Variants in ART3 observed in about 807,000 individuals in gnomAD.
The protein encoded by ART3 is ADP-ribosyltransferase 3 (inactive), also known as ecto-ADP-ribosyltransferase 3.
Under a neutral mutation model 48.5 loss-of-function variants are expected in ART3, and 49 were observed. The observed-to-expected ratio is 1.01, with a 90% CI of 0.80 to 1.28. The LOEUF (loss-of-function observed/expected upper bound fraction) is 1.28, where lower values mean the gene tolerates loss of function less well. Among genes scored for constraint, ART3 ranks in the 50% most tolerant of loss-of-function variants. The pLI, the probability that ART3 is intolerant of heterozygous loss-of-function variation, is 0.00. For synonymous variants in ART3, 145 were observed against 157.2 expected, an observed-to-expected ratio of 0.92 and a Z score of 0.58; for missense variants, 438 against 454.3, an observed-to-expected ratio of 0.96 and a Z score of 0.33.
intron 3 of ART3, among the ~76,000 whole-genome samples, chr4:76,088,883 C>T (rs904211631): frequency 6.6e-6 from 1 of 152,024 alleles, no homozygotes. Context: ...TGAGGTGGAA[C>T]TCAGTTTCAA....
chr4:76,108,122 C>A (rs1728821638), intron 11 of ART3, among the ~76,000 whole-genome samples: 1 of 150,830 alleles, frequency 6.6e-6, no homozygotes, highest in African/African-American at 2.4e-5. Context: ...GTTCTCAACC[C>A]AATTCTCCCT....
chr4:76,063,093 C>T (rs1200202917), intron 1 of ART3, among the ~76,000 whole-genome samples: 4 of 152,064 alleles, frequency 2.6e-5, no homozygotes, highest in Non-Finnish European at 4.4e-5. Flanking sequence ...CTTCTTCATT[C>T]TTTATCTCTT....
At chr4:76,051,051 C>T (rs910031046) in intron 1 of ART3, among the ~76,000 whole-genome samples, 1 of 152,268 alleles carries the variant, frequency 6.6e-6, no homozygotes, top group African/African-American at 2.4e-5. Context: ...CCACACCTCC[C>T]TGCAAGCTGA....
rs943800124 is a variant in ART3, at chr4:76,101,064, A to G, written c.937+45A>G. The G allele has an allele frequency of 3.1e-6, 5 of 1,606,546 alleles. No homozygotes were observed. In the South Asian group the frequency reaches 3.3e-5, roughly 11 times the overall value. On this transcript the variant is annotated intron_variant, in intron 8 of 11. Coordinates refer to ENST00000355810, the MANE Select transcript of ART3 (RefSeq NM_001130016.3). Reference sequence around the variant, plus strand: ...TCTGGGGGCTTACATTTTGCAATATATCTCCCTTTACATGTGGGAACAGGG... The same window carrying G: ...TCTGGGGGCTTACATTTTGCAATATGTCTCCCTTTACATGTGGGAACAGGG...
At chr4:76,075,441 G>A (rs1720838833) in intron 1 of ART3, among the ~76,000 whole-genome samples, 1 of 152,176 alleles carries the variant, frequency 6.6e-6, no homozygotes. Context: ...TGGATAATGT[G>A]CATGGACATA....
chr4:76,011,763 T>A (rs1464459913), intron 1 of ART3, among the ~76,000 whole-genome samples: 1 of 152,204 alleles, frequency 6.6e-6, no homozygotes, highest in Non-Finnish European at 1.5e-5. Context: ...CTGAGCAGGC[T>A]GGGGCCGCTG....
intron 1 of ART3, among the ~76,000 whole-genome samples, chr4:76,064,892 C>A (rs985662933): frequency 1.3e-5 from 2 of 150,270 alleles, no homozygotes; most frequent in African/African-American, 2.5e-5. Context: ...AGTGCGGTGG[C>A]AAGATCATGG....
At chr4:76,107,341 T>C (rs1400050604) in intron 10 of ART3, 1 of 152,998 alleles carries the variant, frequency 6.5e-6, no homozygotes, top group Non-Finnish European at 1.5e-5. Flanking sequence ...AAACATTTCA[T>C]AAATGTTTTA....
intron 10 of ART3, chr4:76,106,125 TAAG>T (rs1231177591): frequency 2.0e-6 from 2 of 985,238 alleles, no homozygotes; most frequent in African/African-American, 3.5e-5. Context: ...ACATGGAACA[TAAG>T]AAGGCTAACA....
chr4:76,089,839 T>C (rs886304653), intron 3 of ART3, among the ~76,000 whole-genome samples: 2 of 152,128 alleles, frequency 1.3e-5, no homozygotes, highest in South Asian at 2.1e-4. Flanking sequence ...CCCAGCACTT[T>C]GGGAGGCCGA....
chr4:76,078,234 A>T (rs913855344), intron 2 of ART3, among the ~76,000 whole-genome samples: 3 of 152,008 alleles, frequency 2.0e-5, no homozygotes, highest in Admixed American at 6.6e-5. Context: ...AAAATACACA[A>T]TCAGCTATGG....
Position 76,082,188 on chromosome 4 carries a change from C to T in ART3, c.434C>T (p.Ala145Val), listed in dbSNP as rs1231261878. 6.2e-7 allele frequency: 1 copy of T among 1,614,066 alleles called. No individual in the cohort carries two copies. Among genetic ancestry groups the T allele is most frequent in the African/African-American group, 1.3e-5 (1 of 74,924 alleles). Reference sequence around the variant, plus strand: ...GCTTTCCACTTTTACCTCACAAGAGCCCTGCAGTTGCTGAGAAAACCTTGT... The same window carrying T: ...GCTTTCCACTTTTACCTCACAAGAGTCCTGCAGTTGCTGAGAAAACCTTGT... Reference protein sequence around the residue: ...FKAFHFYLTRALQLLRKPCEA... With the variant: ...FKAFHFYLTRVLQLLRKPCEA... The change falls in exon 3 of 12, where the codon GCC becomes GTC. Residue 145 changes from alanine to valine, a missense_variant. This residue lies in a region of ART3 where 206 missense variants were observed against 205.3 expected (regional missense o/e 1.00). Transcript: ENST00000355810.
intron 1 of ART3, among the ~76,000 whole-genome samples, chr4:76,067,915 C>T (rs1719899465): frequency 6.6e-6 from 1 of 152,178 alleles, no homozygotes; most frequent in East Asian, 1.9e-4. Context: ...GAAATTTGCA[C>T]TCACCACTGT....
At chr4:76,085,652 G>A (rs6847950) in intron 3 of ART3, among the ~76,000 whole-genome samples, 39,625 of 152,042 alleles carry the variant, frequency 0.26, 6,403 homozygotes, top group African/African-American at 0.45. Flanking sequence ...GACAAAAGAC[G>A]AGATGAGAAA....
At chr4:76,100,416 A>T (rs544625572) in intron 6 of ART3, 96 bp downstream of exon 6, 1 of 1,237,050 alleles carries the variant, frequency 8.1e-7, no homozygotes, top group Admixed American at 2.0e-5. Flanking sequence ...GAGGATCATG[A>T]GGTCAGGAGA....
chr4:76,016,424 GTC>G (rs996100994), intron 1 of ART3, among the ~76,000 whole-genome samples: 1 of 152,126 alleles, frequency 6.6e-6, no homozygotes, highest in Non-Finnish European at 1.5e-5. Flanking sequence ...AACAAATGAA[GTC>G]TCTCTCTCTG....
At chr4:76,048,821 C>T (rs1379658558) in intron 1 of ART3, among the ~76,000 whole-genome samples, 2 of 94,892 alleles carry the variant, frequency 2.1e-5, no homozygotes, top group Non-Finnish European at 4.2e-5. Context: ...GATTTAGTGG[C>T]CCTTATGATG....
chr4:76,015,078 G>A (rs1194327512), intron 1 of ART3, among the ~76,000 whole-genome samples: 1 of 152,162 alleles, frequency 6.6e-6, no homozygotes, highest in African/African-American at 2.4e-5. Context: ...AGGCTGAAAT[G>A]AAAGGATACT....
chr4:76,040,444 A>ACACG (rs1553926431), intron 1 of ART3, among the ~76,000 whole-genome samples: 2 of 128,852 alleles, frequency 1.6e-5, no homozygotes, highest in East Asian at 2.5e-4. Context: ...GGATACACAC[A>ACACG]CACACACACA....
Sources: allele counts gnomAD v4.1 joint callset (sites outside exome capture counted in the v4.1 genomes callset), GRCh38; gene constraint gnomAD v4.1.1; regional missense constraint gnomAD v4.1.1; transcripts MANE v1.5; gene names NCBI Gene and HGNC (gene_info 2026-07-23, HGNC 2026-07-21).